Variants in TTC39B observed in about 807,000 individuals in gnomAD.
TTC39B encodes tetratricopeptide repeat domain 39B.
In TTC39B, 92 loss-of-function variants were observed where a neutral mutation model predicts 96.6. The ratio of observed to expected loss-of-function variants is 0.95; its 90% CI spans 0.80 to 1.13. The LOEUF (loss-of-function observed/expected upper bound fraction) is 1.13, where lower values mean the gene tolerates loss of function less well. Among genes scored for constraint, TTC39B ranks in the 50% most tolerant of loss-of-function variants. The probability of loss-of-function intolerance (pLI) is 0.00; values close to 1 mark genes in which losing one functional copy is unlikely to be tolerated. For missense variants in TTC39B, 955 were observed against 809.3 expected (o/e 1.18, Z -2.18); for synonymous variants, 367 against 299.4 (o/e 1.23, Z -2.33).
exon 17 of TTC39B, chr9:15,182,386 T>C: frequency 2.5e-6 from 4 of 1,612,152 alleles, no homozygotes; most frequent in Non-Finnish European, 2.5e-6. Flanking sequence ...TGCTCACTAT[T>C]GAAAAACCAT....
At chr9:15,254,871 AC>A (rs1360246867) in intron 2 of TTC39B, among the ~76,000 whole-genome samples, 1 of 122,862 alleles carries the variant, frequency 8.1e-6, no homozygotes, top group East Asian at 2.0e-4. Context: ...AAACACACAC[AC>A]TTTTTTTTTT....
intron 6 of TTC39B, among the ~76,000 whole-genome samples, 190 bp downstream of exon 6, chr9:15,209,898 T>C (rs765763336): frequency 2.6e-5 from 4 of 152,194 alleles, no homozygotes; most frequent in Admixed American, 6.5e-5. Flanking sequence ...ACCTTATTTA[T>C]GTATTTGAGT....
chr9:15,260,883 T>C (rs993098350), intron 2 of TTC39B, among the ~76,000 whole-genome samples: 8 of 152,178 alleles, frequency 5.3e-5, no homozygotes, highest in African/African-American at 1.4e-4. Context: ...TTCTTGAAAA[T>C]AGACACATAC....
chr9:15,281,913 A>T (rs1020774296), intron 1 of TTC39B, among the ~76,000 whole-genome samples: 1 of 152,102 alleles, frequency 6.6e-6, no homozygotes, highest in African/African-American at 2.4e-5. Context: ...CCTGACCTCA[A>T]GTGATCCACC....
intron 2 of TTC39B, among the ~76,000 whole-genome samples, chr9:15,251,700 C>CATACATATATATATAT (rs1554624735): frequency 2.0e-5 from 2 of 98,368 alleles, no homozygotes; most frequent in East Asian, 5.3e-4. Context: ...CATACATATA[C>CATACATATATATATAT]ATATATATAT....
Position 15,226,013 on chromosome 9 carries a change from C to A in TTC39B, c.276-1G>T, listed in dbSNP as rs532642149. On this transcript the variant is annotated splice_acceptor_variant, in intron 2 of 19. Transcript: ENST00000512701. LOFTEE classifies it high-confidence loss of function. Reference sequence around the variant, plus strand: ...TGTTGCCATATCTGAGTGAGAAGATCTGTTAATTAAAAAGGCAGAGCAAGG... The same window carrying A: ...TGTTGCCATATCTGAGTGAGAAGATATGTTAATTAAAAAGGCAGAGCAAGG... 61 of 1,613,004 alleles carry A rather than the reference C, an allele frequency of 3.8e-5. No homozygotes were observed. The highest frequency in any genetic ancestry group is 5.2e-5 in the Non-Finnish European group (61 of 1,179,210).
At chr9:15,246,377 A>G (rs948186197) in intron 2 of TTC39B, among the ~76,000 whole-genome samples, 56 of 152,278 alleles carry the variant, frequency 3.7e-4, no homozygotes, top group African/African-American at 1.2e-3. Flanking sequence ...CAAAAATTCA[A>G]ATCTAACTCT....
At chr9:15,204,527 C>T (rs946825395) in intron 6 of TTC39B, among the ~76,000 whole-genome samples, 2 of 147,458 alleles carry the variant, frequency 1.4e-5, no homozygotes, top group African/African-American at 5.2e-5. Context: ...GAAACTCCAT[C>T]TCAAAAAGAA....
At chr9:15,196,709 G>C (rs947602802) in intron 8 of TTC39B, among the ~76,000 whole-genome samples, 1 of 152,182 alleles carries the variant, frequency 6.6e-6, no homozygotes, top group African/African-American at 2.4e-5. Context: ...TGACAACAAA[G>C]GATTTGGAAT....
At chr9:15,179,832 T>C (rs1470165039) in intron 17 of TTC39B, among the ~76,000 whole-genome samples, 2 of 152,246 alleles carry the variant, frequency 1.3e-5, no homozygotes, top group African/African-American at 4.8e-5. Flanking sequence ...TAAAGCCGCA[T>C]GTAACTTCTA....
chr9:15,243,858 T>A (rs946180062), intron 2 of TTC39B, among the ~76,000 whole-genome samples: 5 of 152,224 alleles, frequency 3.3e-5, no homozygotes, highest in Non-Finnish European at 5.9e-5. Flanking sequence ...TGGGCAGCAC[T>A]GTGAAGTGCA....
intron 1 of TTC39B, among the ~76,000 whole-genome samples, chr9:15,297,220 C>T (rs1159917431): frequency 6.6e-6 from 1 of 152,194 alleles, no homozygotes; most frequent in East Asian, 1.9e-4. Context: ...GGGGTGATCT[C>T]CTCCCTTGCT....
intron 1 of TTC39B, among the ~76,000 whole-genome samples, chr9:15,293,419 T>C (rs962942947): frequency 2.0e-5 from 3 of 152,184 alleles, no homozygotes; most frequent in East Asian, 1.9e-4. Flanking sequence ...TCAAAAGAAT[T>C]GTCCAGGTGG....
At chr9:15,187,806 A>G (rs566431287) in intron 14 of TTC39B, among the ~76,000 whole-genome samples, 165 bp downstream of exon 14, 53 of 152,352 alleles carry the variant, frequency 3.5e-4, no homozygotes, top group African/African-American at 1.2e-3. Flanking sequence ...TGCTGAGGAC[A>G]GTACCTATAA....
intron 9 of TTC39B, among the ~76,000 whole-genome samples, chr9:15,192,101 C>G (rs1377910396): frequency 6.6e-6 from 1 of 152,194 alleles, no homozygotes; most frequent in Non-Finnish European, 1.5e-5. Flanking sequence ...GTGTATACTT[C>G]TCTTGATCAC....
intron 1 of TTC39B, among the ~76,000 whole-genome samples, chr9:15,275,629 G>T (rs988334740): frequency 7.9e-5 from 12 of 152,266 alleles, no homozygotes; most frequent in Middle Eastern, 3.4e-3. Context: ...CCAGGTAAAG[G>T]GACCTCACTT....
At chr9:15,271,978 T>C (rs1586988416) in intron 1 of TTC39B, among the ~76,000 whole-genome samples, 1 of 152,306 alleles carries the variant, frequency 6.6e-6, no homozygotes, top group African/African-American at 2.4e-5. Context: ...CCTGCATCCT[T>C]GGGAAAAGTG....
rs518832 is a variant in TTC39B, at chr9:15,233,481, C to A, written c.276-7469G>T. Among the ~76,000 whole-genome samples the A allele has an allele frequency of 3.4e-5, 5 of 146,948 alleles. 1 individual carries two copies. The highest frequency in any genetic ancestry group is 3.0e-5 in the Non-Finnish European group (2 of 65,714). On this transcript the variant is annotated intron_variant, in intron 2 of 19. Transcript: ENST00000512701. Reference sequence around the variant, plus strand: ...CCTGATTCTCCTGCCTCAGCCTGCCCAGTGCCTGCGATTGCAGGCGCACGC... The same window carrying A: ...CCTGATTCTCCTGCCTCAGCCTGCCAAGTGCCTGCGATTGCAGGCGCACGC...
chr9:15,165,950 A>T lies in TTC39B; in HGVS notation c.*6069T>A, dbSNP rs560946951. The T allele has an allele frequency of 5.0e-4, 76 of 152,282 alleles. 1 individual carries two copies. Among genetic ancestry groups the T allele is most frequent in the Admixed American group, 2.0e-3 (30 of 15,300 alleles). 9.4% of individuals were successfully genotyped at this position (152,282 alleles called of 1,614,324 possible). A position where few individuals can be genotyped will look rare whatever the true frequency, so the allele number is the denominator to read the frequency against. The stretch of plus-strand genomic sequence containing the variant: ...CTTTATTATACTTATTTTTTATTCA[A>T]AGTTTTTGGCTACAAGTCTGCTACA... On this transcript the variant is annotated 3_prime_UTR_variant, in exon 20 of 20. Transcript: ENST00000512701.
Sources: allele counts gnomAD v4.1 joint callset (sites outside exome capture counted in the v4.1 genomes callset), GRCh38; gene constraint gnomAD v4.1.1; transcripts MANE v1.5; gene names NCBI Gene and HGNC (gene_info 2026-07-23, HGNC 2026-07-21).